The following CNTNAP5 variants were observed in gnomAD, a reference collection of about 807,000 sequenced individuals.
CNTNAP5 encodes contactin-associated protein-like 5.
A neutral mutation model predicts 150.2 loss-of-function variants in CNTNAP5; 72 were observed. That is an observed-to-expected ratio of 0.48 (90% CI 0.40 to 0.58). CNTNAP5 has a LOEUF of 0.58. Among genes scored for constraint, CNTNAP5 ranks in the 20% least tolerant of loss-of-function variants. The probability of loss-of-function intolerance (pLI) is 0.00; values close to 1 mark genes in which losing one functional copy is unlikely to be tolerated. For missense variants in CNTNAP5, 1,636 were observed against 1,626.2 expected, an observed-to-expected ratio of 1.01 and a Z score of -0.10; for synonymous variants, 672 against 619.8, an observed-to-expected ratio of 1.08 and a Z score of -1.25.
chr2:124,232,580 A>G lies in CNTNAP5; in HGVS notation c.188-9620A>G, dbSNP rs1384252761. On this transcript the variant is annotated intron_variant, in intron 2 of 23. Coordinates refer to ENST00000682447, the MANE Select transcript of CNTNAP5 (RefSeq NM_001367498.1). Reference sequence around the variant, plus strand: ...TAGTTCATCTTTCTCCAGATTTTCAATTTGAAGACTCCTTCTTTCATGGTG... The same window carrying G: ...TAGTTCATCTTTCTCCAGATTTTCAGTTTGAAGACTCCTTCTTTCATGGTG... Among the ~76,000 whole-genome samples, 4 of 152,168 alleles carry G rather than the reference A, an allele frequency of 2.6e-5. No homozygotes were observed. In the South Asian group the frequency reaches 6.2e-4, roughly 24 times the overall value.
intron 3 of CNTNAP5, among the ~76,000 whole-genome samples, chr2:124,394,021 T>G (rs1465624987): frequency 6.6e-6 from 1 of 152,220 alleles, no homozygotes; most frequent in African/African-American, 2.4e-5. Flanking sequence ...AGTCATCGTT[T>G]ACACATTTCT....
chr2:124,037,182 C>T (rs1446061310), intron 1 of CNTNAP5, among the ~76,000 whole-genome samples: 1 of 152,184 alleles, frequency 6.6e-6, no homozygotes, highest in Non-Finnish European at 1.5e-5. Flanking sequence ...TAAAGCTTTT[C>T]ACCAACTTTT....
intron 19 of CNTNAP5, among the ~76,000 whole-genome samples, chr2:124,822,649 T>C (rs1266788655): frequency 2.6e-5 from 4 of 152,170 alleles, no homozygotes; most frequent in Non-Finnish European, 5.9e-5. Flanking sequence ...CAGATCGACA[T>C]CTCTAATGAT....
intron 1 of CNTNAP5, among the ~76,000 whole-genome samples, chr2:124,050,748 GA>G (rs757100882): frequency 2.6e-5 from 4 of 152,156 alleles, no homozygotes; most frequent in Admixed American, 6.5e-5. Flanking sequence ...GTACTTTGAT[GA>G]AGAATACTTC....
chr2:124,174,563 A>C (rs1685016859), intron 1 of CNTNAP5, among the ~76,000 whole-genome samples: 2 of 152,228 alleles, frequency 1.3e-5, no homozygotes, highest in Admixed American at 1.3e-4. Flanking sequence ...GTGGAACCTG[A>C]AGATGTGACT....
intron 13 of CNTNAP5, among the ~76,000 whole-genome samples, chr2:124,738,383 GTTC>G (rs1680430805): frequency 6.6e-6 from 1 of 152,112 alleles, no homozygotes; most frequent in Admixed American, 6.5e-5. Flanking sequence ...GTCTCAAAAT[GTTC>G]ATTTTTATCT....
At chr2:124,603,069 CCTTT>C (rs148279346) in intron 11 of CNTNAP5, among the ~76,000 whole-genome samples, 1,202 of 117,918 alleles carry the variant, frequency 0.01, 17 homozygotes, top group African/African-American at 0.036. Flanking sequence ...TTCTTTTCTT[CCTTT>C]CTTTCTTTCT....
chr2:124,468,884 C>A (rs887458060), intron 6 of CNTNAP5, among the ~76,000 whole-genome samples: 8 of 152,208 alleles, frequency 5.3e-5, no homozygotes, highest in Admixed American at 3.9e-4. Context: ...TCTGCGTTGC[C>A]TCTTCCTCAG....
At chr2:124,293,394 A>G (rs542268925) in intron 3 of CNTNAP5, among the ~76,000 whole-genome samples, 4 of 152,186 alleles carry the variant, frequency 2.6e-5, no homozygotes, top group Non-Finnish European at 5.9e-5. Flanking sequence ...ATATCAAGAA[A>G]TAAAAATATT....
chr2:124,049,162 C>T (rs1681624457), intron 1 of CNTNAP5, among the ~76,000 whole-genome samples: 1 of 152,170 alleles, frequency 6.6e-6, no homozygotes, highest in Non-Finnish European at 1.5e-5. Context: ...CCTATGATCT[C>T]CTTCATTTGG....
chr2:124,455,210 T>C (rs1693092792), intron 6 of CNTNAP5, among the ~76,000 whole-genome samples: 1 of 148,948 alleles, frequency 6.7e-6, no homozygotes, highest in African/African-American at 2.5e-5. Flanking sequence ...AGAAACGAAA[T>C]GAGAGACATT....
intron 16 of CNTNAP5, among the ~76,000 whole-genome samples, chr2:124,770,156 T>C (rs924694715): frequency 7.9e-5 from 12 of 152,214 alleles, no homozygotes; most frequent in Admixed American, 6.5e-4. Context: ...AATTGCAGAA[T>C]GGCATTTAGT....
intron 3 of CNTNAP5, among the ~76,000 whole-genome samples, chr2:124,314,072 A>G (rs1215534781): frequency 6.6e-6 from 1 of 152,142 alleles, no homozygotes; most frequent in Non-Finnish European, 1.5e-5. Flanking sequence ...TGCGTGGATG[A>G]TTTGTAGTAA....
intron 3 of CNTNAP5, among the ~76,000 whole-genome samples, chr2:124,370,038 T>G (rs1466032100): frequency 6.6e-6 from 1 of 152,146 alleles, no homozygotes; most frequent in Non-Finnish European, 1.5e-5. Context: ...TAATCACTAC[T>G]GTATCCACTA....
chr2:124,554,079 G>T (rs1239786385), intron 10 of CNTNAP5, among the ~76,000 whole-genome samples: 1 of 151,972 alleles, frequency 6.6e-6, no homozygotes, highest in Non-Finnish European at 1.5e-5. Context: ...TAAAATCCTT[G>T]TTCTTTAAGT....
At chr2:124,869,115 A>G (rs955911415) in intron 20 of CNTNAP5, among the ~76,000 whole-genome samples, 2 of 152,246 alleles carry the variant, frequency 1.3e-5, no homozygotes, top group African/African-American at 4.8e-5. Flanking sequence ...TCAATCGTCC[A>G]TGTTGGTTGC....
intron 11 of CNTNAP5, among the ~76,000 whole-genome samples, chr2:124,582,020 A>G (rs1011759179): frequency 6.6e-6 from 1 of 152,206 alleles, no homozygotes; most frequent in Non-Finnish European, 1.5e-5. Context: ...AGATGGTGAA[A>G]TCTCTCTCTA....
At chr2:124,099,576 C>T (rs1011395192) in intron 1 of CNTNAP5, among the ~76,000 whole-genome samples, 21 of 152,080 alleles carry the variant, frequency 1.4e-4, no homozygotes, top group African/African-American at 5.1e-4. Context: ...ATTATCGAGC[C>T]GTATGTACTA....
chr2:124,756,751 C>T (rs1037870913), intron 14 of CNTNAP5, among the ~76,000 whole-genome samples: 2 of 151,990 alleles, frequency 1.3e-5, no homozygotes, highest in South Asian at 4.2e-4. Context: ...GAACAACACA[C>T]ACTGGGGCCT....
Sources: gnomAD v4.1 joint callset for allele counts (sites outside exome capture counted in the v4.1 genomes callset) on GRCh38, gnomAD v4.1.1 for gene constraint, MANE v1.5 for transcripts, NCBI Gene and HGNC (gene_info 2026-07-23, HGNC 2026-07-21) for gene names.